CERT1: variants seen among roughly 807,000 people sequenced by gnomAD.
CERT1 encodes the protein ceramide transfer protein.
A neutral mutation model predicts 87.9 loss-of-function variants in CERT1; 31 were observed. The ratio of observed to expected loss-of-function variants is 0.35; its 90% CI spans 0.27 to 0.48. The LOEUF (loss-of-function observed/expected upper bound fraction) is 0.48. Ranked by LOEUF, CERT1 falls within the 20% of genes least tolerant of loss-of-function variation. CERT1 has a pLI of 0.99. For missense variants in CERT1, 487 were observed against 758.0 expected (o/e 0.64, Z 4.20); for synonymous variants, 289 against 250.9 (o/e 1.15, Z -1.44).
chr5:75,468,418 CT>C (rs1349551924), intron 2 of CERT1, among the ~76,000 whole-genome samples: 1 of 152,092 alleles, frequency 6.6e-6, no homozygotes, highest in Non-Finnish European at 1.5e-5. Flanking sequence ...CCCTTGGTTC[CT>C]AATACTGGGC....
chr5:75,388,359 TG>T (rs1244636483), intron 12 of CERT1, among the ~76,000 whole-genome samples: 1 of 152,126 alleles, frequency 6.6e-6, no homozygotes, highest in East Asian at 1.9e-4. Flanking sequence ...CAAAAAATCC[TG>T]ACTAAAAAGT....
chr5:75,425,322 C>T (rs1763568636), intron 5 of CERT1, 39 bp downstream of exon 5: 2 of 1,582,748 alleles, frequency 1.3e-6, no homozygotes. Flanking sequence ...TTAATCCATT[C>T]ATTCTCCAAG....
intron 7 of CERT1, among the ~76,000 whole-genome samples, chr5:75,416,455 T>C (rs1035199703): frequency 6.6e-6 from 1 of 152,200 alleles, no homozygotes; most frequent in Non-Finnish European, 1.5e-5. Context: ...GTATGTTAAA[T>C]GGTATCACTG....
chr5:75,410,291 C>G (rs1363092990), intron 8 of CERT1, among the ~76,000 whole-genome samples: 4 of 151,992 alleles, frequency 2.6e-5, no homozygotes, highest in Admixed American at 6.6e-5. Flanking sequence ...ACAATTAGAA[C>G]AGTTTTATGT....
intron 7 of CERT1, among the ~76,000 whole-genome samples, chr5:75,412,724 TATAAAAG>T (rs1762980754): frequency 6.6e-6 from 1 of 152,152 alleles, no homozygotes; most frequent in Non-Finnish European, 1.5e-5. Context: ...AAAAATATGA[TATAAAAG>T]ATAAAAAACA....
chr5:75,440,263 A>G (rs867111989), intron 3 of CERT1, among the ~76,000 whole-genome samples: 1 of 152,238 alleles, frequency 6.6e-6, no homozygotes, highest in Middle Eastern at 3.4e-3. Context: ...TAAATTTTAA[A>G]ACATTTATTT....
intron 7 of CERT1, 70 bp from the exon 8 acceptor site, chr5:75,411,173 G>A: frequency 1.2e-6 from 1 of 804,244 alleles, no homozygotes; most frequent in South Asian, 1.7e-5. Context: ...CTTTTAGGTG[G>A]AATTCCTCTA....
At chr5:75,388,599 CATATATATATATATATATATATAT>C (rs59799780) in intron 12 of CERT1, among the ~76,000 whole-genome samples, 1,262 of 91,842 alleles carry the variant, frequency 0.014, 54 homozygotes, top group African/African-American at 0.037. Flanking sequence ...AGCATGCATG[CATATATATATATATATATATATAT>C]ATATATATAT....
chr5:75,488,112 T>C (rs1766610390), intron 2 of CERT1, among the ~76,000 whole-genome samples: 1 of 151,976 alleles, frequency 6.6e-6, no homozygotes, highest in African/African-American at 2.4e-5. Context: ...TATAGTTAGA[T>C]AGAATTAATA....
chr5:75,408,515 C>A (rs1437882139), intron 8 of CERT1, among the ~76,000 whole-genome samples: 1 of 152,040 alleles, frequency 6.6e-6, no homozygotes, highest in Non-Finnish European at 1.5e-5. Flanking sequence ...GGTCCCAGAA[C>A]AAATTAACTC....
chr5:75,370,204 AG>A (rs1286619595), intron 17 of CERT1: 1 of 152,210 alleles, frequency 6.6e-6, no homozygotes, highest in Non-Finnish European at 1.5e-5. Flanking sequence ...TTTTGTTTAC[AG>A]ATCACATTGT....
At chr5:75,408,940 A>C (rs931051895) in intron 8 of CERT1, among the ~76,000 whole-genome samples, 5 of 152,012 alleles carry the variant, frequency 3.3e-5, no homozygotes, top group African/African-American at 1.2e-4. Flanking sequence ...GAAAAAAAAA[A>C]CAAAACCTGT....
rs761649296 is a variant in CERT1 at position 75,402,974 on chromosome 5, GTTC to G, written c.1012_1014del (p.Glu338del). 6.0e-5 allele frequency: 96 copies of G among 1,593,520 alleles called. 1 individual carries two copies. Among genetic ancestry groups the G allele is most frequent in the Admixed American group, 5.7e-4 (34 of 59,688 alleles). The stretch of plus-strand genomic sequence containing the variant: ...AGAATTTTCAATAATAGATATACCT[GTTC>G]TTCTATTTTATCTTGTCTGTCAAGA... On this transcript the variant is annotated inframe_deletion, in exon 9 of 17. Transcript: ENST00000643780.
intron 2 of CERT1, among the ~76,000 whole-genome samples, chr5:75,471,160 A>C (rs1024018724): frequency 6.6e-6 from 1 of 152,144 alleles, no homozygotes; most frequent in African/African-American, 2.4e-5. Flanking sequence ...TCACTTAGCA[A>C]TGGGGATGTG....
At chr5:75,429,305 G>A (rs998204719) in intron 3 of CERT1, among the ~76,000 whole-genome samples, 1 of 151,894 alleles carries the variant, frequency 6.6e-6, no homozygotes, top group African/African-American at 2.4e-5. Context: ...GGGTTCAAAT[G>A]ATTCTCCTGC....
At chr5:75,422,234 C>T (rs1763413056) in intron 5 of CERT1, among the ~76,000 whole-genome samples, 1 of 152,044 alleles carries the variant, frequency 6.6e-6, no homozygotes, top group Non-Finnish European at 1.5e-5. Flanking sequence ...ATTTTTGCCA[C>T]CCAAATATTT....
At chr5:75,481,496 G>T (rs1016445052) in intron 2 of CERT1, among the ~76,000 whole-genome samples, 1 of 151,968 alleles carries the variant, frequency 6.6e-6, no homozygotes, top group Non-Finnish European at 1.5e-5. Flanking sequence ...TACAATAAAA[G>T]ATGTTAAAAT....
intron 3 of CERT1, among the ~76,000 whole-genome samples, chr5:75,449,620 T>C (rs1764694816): frequency 1.3e-5 from 2 of 152,292 alleles, no homozygotes; most frequent in Admixed American, 6.5e-5. Context: ...AAAATTTTTT[T>C]CCAAGTGTGT....
At chr5:75,410,513 G>C (rs1400049984) in intron 8 of CERT1, among the ~76,000 whole-genome samples, 3 of 151,954 alleles carry the variant, frequency 2.0e-5, no homozygotes, top group East Asian at 1.9e-4. Flanking sequence ...GGGCAGCTGA[G>C]GCAGGAGAAT....
Sources: allele counts gnomAD v4.1 joint callset (sites outside exome capture counted in the v4.1 genomes callset), GRCh38; gene constraint gnomAD v4.1.1; transcripts MANE v1.5; gene names NCBI Gene and HGNC (gene_info 2026-07-23, HGNC 2026-07-21).